ZNF566: variants seen among roughly 807,000 people sequenced by gnomAD.
ZNF566 encodes the protein zinc finger protein 566.
In ZNF566, 27 loss-of-function variants were observed where a neutral mutation model predicts 32.8. The ratio of observed to expected loss-of-function variants is 0.82; its 90% CI spans 0.61 to 1.14. The LOEUF is 1.14. ZNF566 is among the 50% of genes most tolerant of loss of function. ZNF566 has a pLI of 0.00. For missense variants in ZNF566, 402 were observed against 490.4 expected, an observed-to-expected ratio of 0.82 and a Z score of 1.70; for synonymous variants, 154 against 159.5, an observed-to-expected ratio of 0.97 and a Z score of 0.26.
At chr19:36,476,844 C>CAAAT (rs2086537877) in intron 1 of ZNF566, among the ~76,000 whole-genome samples, 1 of 152,102 alleles carries the variant, frequency 6.6e-6, no homozygotes, top group South Asian at 2.1e-4. Context: ...TATATACACA[C>CAAAT]ACATACATAC....
chr19:36,476,352 C>T, intron 2 of ZNF566, 197 bp downstream of exon 2: 2 of 408,348 alleles, frequency 4.9e-6, no homozygotes, highest in South Asian at 4.9e-5. Context: ...ATTATGTAAT[C>T]AATTCTTTTT....
intron 4 of ZNF566, 53 bp downstream of exon 4, chr19:36,472,858 G>T: frequency 7.0e-7 from 1 of 1,432,762 alleles, no homozygotes; most frequent in Non-Finnish European, 9.7e-7. Context: ...GCATCTAAAA[G>T]ATGCAGTCTC....
chr19:36,453,822 C>T (rs2033231284), intron 4 of ZNF566, among the ~76,000 whole-genome samples: 1 of 151,866 alleles, frequency 6.6e-6, no homozygotes, highest in Non-Finnish European at 1.5e-5. Flanking sequence ...TGTGCCACCA[C>T]ACCTGGTTAA....
At chr19:36,477,023 C>A (rs1414730661) in intron 1 of ZNF566, among the ~76,000 whole-genome samples, 1 of 150,104 alleles carries the variant, frequency 6.7e-6, no homozygotes, top group African/African-American at 2.4e-5. Context: ...TTTTTCTTTT[C>A]TTTTTGAGAC....
chr19:36,476,637 T>C, intron 1 of ZNF566, 21 bp from the exon 2 acceptor site: 2 of 1,596,462 alleles, frequency 1.3e-6, no homozygotes, highest in Non-Finnish European at 1.7e-6. Flanking sequence ...CAAAAGAAGA[T>C]AGATAAGACC....
intron 4 of ZNF566, among the ~76,000 whole-genome samples, chr19:36,455,477 C>T (rs1418371988): frequency 6.6e-6 from 1 of 152,134 alleles, no homozygotes; most frequent in African/African-American, 2.4e-5. Flanking sequence ...TCAGTGTGCT[C>T]CCACCTGTAA....
chr19:36,455,060 G>T (rs991255464), intron 4 of ZNF566, among the ~76,000 whole-genome samples: 1 of 152,128 alleles, frequency 6.6e-6, no homozygotes, highest in African/African-American at 2.4e-5. Context: ...AGGATGCAGG[G>T]ATGTTTCAAT....
chr19:36,448,674 C>T lies in ZNF566; in HGVS notation c.*303G>A, dbSNP rs762269659. ...CTACATTTCTACAAAAATTCTCTGACGTTAAGAAGGTTAGAAAGGTGTTAA... is the reference window on the plus strand; with the variant it reads ...CTACATTTCTACAAAAATTCTCTGATGTTAAGAAGGTTAGAAAGGTGTTAA... On this transcript the variant is annotated 3_prime_UTR_variant, in exon 5 of 5. Transcript: ENST00000452939. 84 of 208,984 alleles carry T rather than the reference C, an allele frequency of 4.0e-4. No homozygotes were observed. The highest frequency in any genetic ancestry group is 7.0e-4 in the Non-Finnish European group (74 of 106,214). 12.9% of individuals were successfully genotyped at this position (208,984 alleles called of 1,614,324 possible).
At chr19:36,455,781 C>CAG (rs2033289439) in intron 4 of ZNF566, among the ~76,000 whole-genome samples, 1 of 150,464 alleles carries the variant, frequency 6.6e-6, no homozygotes, top group East Asian at 2.0e-4. Context: ...TGGCTTATGC[C>CAG]TGTAATCCCA....
chr19:36,462,605 T>C (rs2033496809), intron 4 of ZNF566, among the ~76,000 whole-genome samples: 1 of 151,918 alleles, frequency 6.6e-6, no homozygotes, highest in Non-Finnish European at 1.5e-5. Flanking sequence ...TGTGAGATTG[T>C]CTGGAGGCTG....
At chr19:36,480,288 C>CTTTTTTTTT (rs773998048) in intron 1 of ZNF566, among the ~76,000 whole-genome samples, 2 of 136,848 alleles carry the variant, frequency 1.5e-5, no homozygotes, top group Non-Finnish European at 3.1e-5. Flanking sequence ...ATTTTTTTTT[C>CTTTTTTTTT]TTTTTTTTTT....
chr19:36,463,906 A>G (rs1306782365), intron 4 of ZNF566, among the ~76,000 whole-genome samples: 1 of 151,780 alleles, frequency 6.6e-6, no homozygotes, highest in African/African-American at 2.4e-5. Context: ...TTGTATTTTT[A>G]GTAGAGCCTG....
At chr19:36,471,664 C>T (rs1035638283) in intron 4 of ZNF566, among the ~76,000 whole-genome samples, 3 of 151,980 alleles carry the variant, frequency 2.0e-5, no homozygotes, top group Non-Finnish European at 4.4e-5. Context: ...TTTACTATTA[C>T]CTGGTATGTT....
At chr19:36,452,355 G>T (rs2033179842) in intron 4 of ZNF566, among the ~76,000 whole-genome samples, 1 of 151,432 alleles carries the variant, frequency 6.6e-6, no homozygotes, top group South Asian at 2.1e-4. Flanking sequence ...AAAACTGAAG[G>T]CTTTAGGGTT....
chr19:36,482,246 C>T (rs1009920225), intron 1 of ZNF566, among the ~76,000 whole-genome samples: 3 of 152,210 alleles, frequency 2.0e-5, no homozygotes, highest in African/African-American at 7.2e-5. Flanking sequence ...GCTGGGACTA[C>T]AGGCGCCCGC....
intron 4 of ZNF566, 21 bp downstream of exon 4, chr19:36,472,890 T>G: frequency 6.3e-7 from 1 of 1,596,474 alleles, no homozygotes; most frequent in Non-Finnish European, 8.5e-7. Context: ...AATCACGCAT[T>G]ACCTGCTGTG....
intron 4 of ZNF566, among the ~76,000 whole-genome samples, chr19:36,450,495 C>G (rs1412488381): frequency 6.6e-6 from 1 of 151,832 alleles, no homozygotes; most frequent in African/African-American, 2.4e-5. Flanking sequence ...ATATAAAAAT[C>G]TAGTGGGGCA....
At chr19:36,457,080 AAGAACCCATAC>A (rs1266849294) in intron 4 of ZNF566, among the ~76,000 whole-genome samples, 1 of 152,170 alleles carries the variant, frequency 6.6e-6, no homozygotes, top group African/African-American at 2.4e-5. Context: ...ATACAGAACC[AAGAACCCATAC>A]AGAACCCATG....
intron 2 of ZNF566, among the ~76,000 whole-genome samples, chr19:36,475,337 C>T (rs2033857999): frequency 6.6e-6 from 1 of 152,090 alleles, no homozygotes; most frequent in Non-Finnish European, 1.5e-5. Context: ...CCACGTTTGG[C>T]CACTGACATC....
Sources: gnomAD v4.1 joint callset for allele counts (sites outside exome capture counted in the v4.1 genomes callset) on GRCh38, gnomAD v4.1.1 for gene constraint, MANE v1.5 for transcripts, NCBI Gene and HGNC (gene_info 2026-07-23, HGNC 2026-07-21) for gene names.